The following GRK6 variants were observed in gnomAD, a reference collection of about 807,000 sequenced individuals.
The protein encoded by GRK6 is G protein-coupled receptor kinase 6.
GRK6 carries 37 observed loss-of-function variants against 80.8 expected under a neutral mutation model. The observed-to-expected ratio is 0.46, with a 90% CI of 0.35 to 0.60. The LOEUF (loss-of-function observed/expected upper bound fraction) is 0.60, where lower values mean the gene tolerates loss of function less well. Ranked by LOEUF, GRK6 falls within the 20% of genes least tolerant of loss-of-function variation. GRK6 has a pLI of 0.00. For synonymous variants in GRK6, 295 were observed against 320.9 expected (o/e 0.92, Z 0.86); for missense variants, 560 against 784.6 (o/e 0.71, Z 3.42).
chr5:177,442,112 G>A lies in GRK6; in HGVS notation c.*322G>A, dbSNP rs2127383503. 2.8e-6 allele frequency: 1 copy of A among 352,066 alleles called. No individual in the cohort carries two copies. Among genetic ancestry groups the A allele is most frequent in the Non-Finnish European group, 5.2e-6 (1 of 193,312 alleles). The allele number at this position is 352,066 out of a possible 1,614,324, so 21.8% of individuals were successfully genotyped here. A position where few individuals can be genotyped will look rare whatever the true frequency, so the allele number is the denominator to read the frequency against. On this transcript the variant is annotated 3_prime_UTR_variant, in exon 16 of 16. Coordinates refer to ENST00000355472, the MANE Select transcript of GRK6 (RefSeq NM_001004106.3). Reference sequence around the variant, plus strand: ...CCGCAGACCTGGCGCCCCCGCCTTGGCTCCTGGGGGCAGCCAGCCCTGGCT... The same window carrying A: ...CCGCAGACCTGGCGCCCCCGCCTTGACTCCTGGGGGCAGCCAGCCCTGGCT...
At chr5:177,434,807 C>T (rs1318474677) in intron 9 of GRK6, 95 bp from the exon 10 acceptor site, 2 of 1,411,196 alleles carry the variant, frequency 1.4e-6, no homozygotes, top group East Asian at 4.6e-5. Flanking sequence ...TTGCTCCACA[C>T]CTGGCCCCCG....
intron 13 of GRK6, 28 bp downstream of exon 13, chr5:177,436,558 C>A: frequency 6.5e-7 from 1 of 1,535,614 alleles, no homozygotes; most frequent in South Asian, 1.3e-5. Flanking sequence ...CTGCTGAGGG[C>A]GGGGCCCAGC....
chr5:177,432,929 C>A, intron 5 of GRK6, 123 bp downstream of exon 5: 8 of 880,134 alleles, frequency 9.1e-6, no homozygotes, highest in South Asian at 8.1e-5. Context: ...CCTGGCCTTG[C>A]CCCTGCTGTG....
At position 177,442,063 on chromosome 5, in the gene GRK6, C is replaced by T. The variant is rs1415804848; in HGVS notation, c.*273C>T. The T allele has an allele frequency of 5.7e-5, 26 of 457,526 alleles. No homozygotes were observed. The highest frequency in any genetic ancestry group is 4.0e-4 in the Admixed American group (10 of 24,940). The allele number at this position is 457,526 out of a possible 1,614,324, so 28.3% of individuals were successfully genotyped here. A position where few individuals can be genotyped will look rare whatever the true frequency, so the allele number is the denominator to read the frequency against. ...TATGTATTTGTACGAATGTATATAG[C>T]GACCAGAGCATTCTTAATTCCCGCC... On this transcript the variant is annotated 3_prime_UTR_variant, in exon 16 of 16. Coordinates refer to ENST00000355472, the MANE Select transcript of GRK6 (RefSeq NM_001004106.3).
In GRK6 at chr5:177,428,180, C is replaced by T. The variant is rs1270099907; in HGVS notation, c.52+1283C>T. Among the ~76,000 whole-genome samples, 1 of 152,222 alleles carries T rather than the reference C, an allele frequency of 6.6e-6. No homozygotes were observed. Among genetic ancestry groups the T allele is most frequent in the African/African-American group, 2.4e-5 (1 of 41,458 alleles). On this transcript the variant is annotated intron_variant, in intron 1 of 15. Coordinates refer to ENST00000355472, the MANE Select transcript of GRK6 (RefSeq NM_001004106.3). This position sits in a 1 kb window ranked among gnomAD's most constrained non-coding sequence, Gnocchi z 4.1. ...CCTCCCAGCCTCTGGGGGCATCTGCCGATTCTGTTCTGCCTCGTCATCCAA... is the reference window on the plus strand; with the variant it reads ...CCTCCCAGCCTCTGGGGGCATCTGCTGATTCTGTTCTGCCTCGTCATCCAA...
intron 9 of GRK6, 36 bp from the exon 10 acceptor site, chr5:177,434,866 T>G: frequency 1.9e-6 from 3 of 1,612,370 alleles, no homozygotes; most frequent in South Asian, 2.2e-5. Flanking sequence ...CCTGGCAAAC[T>G]GAGCAGCATC....
chr5:177,434,754 A>G, intron 9 of GRK6, 148 bp from the exon 10 acceptor site: 3 of 794,764 alleles, frequency 3.8e-6, no homozygotes, highest in Admixed American at 2.0e-5. Context: ...TGCCAGGGAG[A>G]GCAGGGCTGT....
intron 1 of GRK6, 161 bp from the exon 2 acceptor site, chr5:177,430,711 C>G: frequency 1.6e-6 from 1 of 626,846 alleles, no homozygotes; most frequent in East Asian, 2.8e-5. Context: ...TGTCCTGGAA[C>G]GCAGCAAGGG....
At chr5:177,433,268 A>G in intron 6 of GRK6, 29 bp downstream of exon 6, 1 of 1,613,526 alleles carries the variant, frequency 6.2e-7, no homozygotes, top group Non-Finnish European at 8.5e-7. Context: ...GGGCCGGGAC[A>G]GGCCAGGTCG....
intron 13 of GRK6, among the ~76,000 whole-genome samples, chr5:177,439,706 C>T (rs71601364): frequency 0.01 from 1,533 of 151,948 alleles, 20 homozygotes; most frequent in Non-Finnish European, 0.014. Flanking sequence ...TCCTAGCAAT[C>T]ACCAGTCTAC....
At chr5:177,434,172 G>T in intron 9 of GRK6, 68 bp downstream of exon 9, 4 of 1,418,882 alleles carry the variant, frequency 2.8e-6, no homozygotes, top group African/African-American at 1.4e-5. Flanking sequence ...GGGCCTGGAC[G>T]GGGGTGGCCA....
chr5:177,439,718 C>T (rs1764368807), intron 13 of GRK6, among the ~76,000 whole-genome samples: 1 of 152,016 alleles, frequency 6.6e-6, no homozygotes, highest in Non-Finnish European at 1.5e-5. Context: ...CCAGTCTACT[C>T]TGTGTCTCTC....
At chr5:177,437,425 T>C (rs936978658) in intron 13 of GRK6, among the ~76,000 whole-genome samples, 1 of 152,090 alleles carries the variant, frequency 6.6e-6, no homozygotes, top group Non-Finnish European at 1.5e-5. Flanking sequence ...TACAATGCAA[T>C]TGCCAGCAGT....
chr5:177,433,347 G>T lies in GRK6; in HGVS notation c.534G>T (p.Arg178Ser), dbSNP rs750960883. 1 of 1,613,908 alleles carries T rather than the reference G, an allele frequency of 6.2e-7. No homozygotes were observed. The highest frequency in any genetic ancestry group is 1.7e-5 in the Admixed American group (1 of 59,980). Residue 178 changes from arginine to serine, a missense_variant and splice_region_variant, in exon 7 of 16, where the codon AGG (arginine) becomes AGT (serine). Around this residue, in one of 3 missense-constraint regions of GRK6, gnomAD observed 77 missense variants for 156.9 expected, o/e 0.49. Transcript: ENST00000355472. ...TTTGCTTCCCCACCCCTTGCCACAG[G>T]CAGCCAGTGACCAAAAACACCTTCA... ...NRFLQWKWLERQPVTKNTFRQ... is the reference protein window; with the variant it reads ...NRFLQWKWLESQPVTKNTFRQ...
At chr5:177,436,334 T>TTGCCG in intron 12 of GRK6, 53 bp downstream of exon 12, 1 of 1,556,026 alleles carries the variant, frequency 6.4e-7, no homozygotes, top group Non-Finnish European at 8.8e-7. Context: ...GATGCACCTT[T>TTGCCG]CCCTCCCTCC....
rs927682483 is a variant in GRK6 at position 177,442,888 on chromosome 5, C to T, written c.*1098C>T. On this transcript the variant is annotated 3_prime_UTR_variant, in exon 16 of 16. Transcript: ENST00000355472. Reference sequence around the variant, plus strand: ...TCTGTGTGAATAGTCCGAGCACAAACCTGGCTAGCCGCCCCTGCCTGCCTC... The same window carrying T: ...TCTGTGTGAATAGTCCGAGCACAAATCTGGCTAGCCGCCCCTGCCTGCCTC... 1 of 152,242 alleles carries T rather than the reference C, an allele frequency of 6.6e-6. No individual in the cohort carries two copies. The highest frequency in any genetic ancestry group is 2.4e-5 in the African/African-American group (1 of 41,450). 9.4% of individuals were successfully genotyped at this position (152,242 alleles called of 1,614,324 possible). A position where few individuals can be genotyped will look rare whatever the true frequency, so the allele number is the denominator to read the frequency against.
chr5:177,429,957 C>T lies in GRK6; in HGVS notation c.53-915C>T, dbSNP rs1021654702. 6.6e-6 allele frequency among the ~76,000 whole-genome samples: 1 copy of T among 152,092 alleles called. No individual in the cohort carries two copies. Among genetic ancestry groups the T allele is most frequent in the Non-Finnish European group, 1.5e-5 (1 of 68,022 alleles). On this transcript the variant is annotated intron_variant, in intron 1 of 15. Transcript: ENST00000355472. The surrounding 1 kb of genome is among the most constrained non-coding windows in gnomAD (Gnocchi z 4.3). ...TCAGGCCCCTTCCACCCTCCTCAAC[C>T]TGGTGGCCCACAGGCCACACACATT... is the stretch of plus-strand genomic sequence containing the variant.
rs1194627589 is a variant in GRK6 at position 177,441,867 on chromosome 5, C to T, written c.*77C>T. 1 of 1,313,946 alleles carries T rather than the reference C, an allele frequency of 7.6e-7. No homozygotes were observed. Among genetic ancestry groups the T allele is most frequent in the Non-Finnish European group, 1.1e-6 (1 of 914,190 alleles). The allele number at this position is 1,313,946 out of a possible 1,614,324, so 81.4% of individuals were successfully genotyped here. ...GCCGTTTACAGTTTTGCACAGTGATCTTCCCCATTGTCCACTCAAGTCGTG... is the reference window on the plus strand; with the variant it reads ...GCCGTTTACAGTTTTGCACAGTGATTTTCCCCATTGTCCACTCAAGTCGTG... On this transcript the variant is annotated 3_prime_UTR_variant, in exon 16 of 16. Coordinates refer to ENST00000355472, the MANE Select transcript of GRK6 (RefSeq NM_001004106.3).
intron 2 of GRK6, 25 bp downstream of exon 2, chr5:177,430,992 G>T (rs780679738): frequency 3.1e-6 from 5 of 1,598,344 alleles, no homozygotes; most frequent in Admixed American, 1.7e-5. Flanking sequence ...GAGACTGGGG[G>T]TGCTGAGGCG....
Sources: gnomAD v4.1 joint callset for allele counts (sites outside exome capture counted in the v4.1 genomes callset) on GRCh38, gnomAD v4.1.1 for gene constraint, gnomAD v4.1.1 regional missense constraint, Gnocchi (gnomAD v3.1) non-coding constraint, MANE v1.5 for transcripts, NCBI Gene and HGNC (gene_info 2026-07-23, HGNC 2026-07-21) for gene names.